ANGPTL8: variants seen among roughly 807,000 people sequenced by gnomAD.
ANGPTL8 encodes the protein angiopoietin-like protein 8.
Under a neutral mutation model 22.6 loss-of-function variants are expected in ANGPTL8, and 24 were observed. The ratio of observed to expected loss-of-function variants is 1.06; its 90% CI spans 0.77 to 1.49. The LOEUF (loss-of-function observed/expected upper bound fraction) is 1.49, where lower values mean the gene tolerates loss of function less well. Ranked by LOEUF, ANGPTL8 falls within the 40% of genes most tolerant of loss-of-function variation. The pLI, the probability that ANGPTL8 is intolerant of heterozygous loss-of-function variation, is 0.00. For missense variants in ANGPTL8, 230 were observed against 259.6 expected, an observed-to-expected ratio of 0.89 and a Z score of 0.78; for synonymous variants, 88 against 113.4, an observed-to-expected ratio of 0.78 and a Z score of 1.42.
chr19:11,240,086 A>ACAAAGATGAGTTGGACATC, intron 1 of ANGPTL8, 49 bp from the exon 2 acceptor site: 3 of 1,550,748 alleles, frequency 1.9e-6, no homozygotes, highest in Non-Finnish European at 2.6e-6. Context: ...CCTTAGGTAC[A>ACAAAGATGAGTTGGACATC]CAAAGATGAG....
chr19:11,241,539 G>A lies in ANGPTL8; in HGVS notation c.554G>A (p.Arg185Gln), dbSNP rs759926768. 31 of 1,553,066 alleles carry A rather than the reference G, an allele frequency of 2.0e-5. No individual in the cohort carries two copies. The highest frequency in any genetic ancestry group is 7.3e-5 in the East Asian group (3 of 41,000). The change falls in exon 3 of 4, where the codon CGA becomes CAA. Residue 185 changes from arginine to glutamine, a missense_variant. Coordinates refer to ENST00000252453, the MANE Select transcript of ANGPTL8 (RefSeq NM_018687.7). ...REMVAQQHRLRQIQERLHTAA... is the reference protein window; with the variant it reads ...REMVAQQHRLQQIQERLHTAA... ...ATGGTGGCACAGCAGCATCGGCTGC[G>A]ACAGATCCAGGAGAGGTGAGCCTGG...
At position 11,239,620 on chromosome 19, in the gene ANGPTL8, T is replaced by C. The variant is rs2147839962; in HGVS notation, c.-18T>C. ...GGCTTCAGTGACAGTGCTGTGGCTATACCTTAGACCCTCAGTCATGCCAGT... is the reference window on the plus strand; with the variant it reads ...GGCTTCAGTGACAGTGCTGTGGCTACACCTTAGACCCTCAGTCATGCCAGT... On this transcript the variant is annotated 5_prime_UTR_variant, in exon 1 of 4. Transcript: ENST00000252453. The C allele has an allele frequency of 6.2e-7, 1 of 1,613,186 alleles. No homozygotes were observed. Among genetic ancestry groups the C allele is most frequent in the Non-Finnish European group, 8.5e-7 (1 of 1,179,736 alleles).
chr19:11,240,050 A>C (rs904782865), intron 1 of ANGPTL8, 85 bp from the exon 2 acceptor site: 2 of 1,548,140 alleles, frequency 1.3e-6, no homozygotes, highest in Admixed American at 4.0e-5. Flanking sequence ...GGGATACAAG[A>C]TTTTCAGCGA....
Position 11,240,222 on chromosome 19 carries a change from A to G in ANGPTL8, c.385A>G (p.Ser129Gly), listed in dbSNP as rs371470325. ...VAQAQKVLRD[S>G]VQRLEVQLRS... The stretch of plus-strand genomic sequence containing the variant: ...CCAGGCACAGAAGGTGCTACGGGAC[A>G]GCGTGCAGCGGCTAGAAGTCCAGCT... Residue 129 changes from serine (S) to glycine (G), a missense_variant, in exon 2 of 4, where the codon AGC becomes GGC. Coordinates refer to ENST00000252453, the MANE Select transcript of ANGPTL8 (RefSeq NM_018687.7). 1.3e-6 allele frequency: 2 copies of G among 1,571,328 alleles called. No individual in the cohort carries two copies. The highest frequency in any genetic ancestry group is 1.7e-6 in the Non-Finnish European group (2 of 1,158,450).
chr19:11,240,096 G>C, intron 1 of ANGPTL8, 39 bp from the exon 2 acceptor site: 1 of 1,551,216 alleles, frequency 6.4e-7, no homozygotes, highest in Non-Finnish European at 8.7e-7. Context: ...ACAAAGATGA[G>C]TTGGACATCC....
chr19:11,241,034 C>G (rs2079935290), intron 2 of ANGPTL8, among the ~76,000 whole-genome samples: 1 of 151,748 alleles, frequency 6.6e-6, no homozygotes, highest in African/African-American at 2.4e-5. Context: ...CACTTAAGGT[C>G]AGGAGTTCGA....
intron 1 of ANGPTL8, 97 bp downstream of exon 1, chr19:11,240,031 G>A: frequency 6.5e-7 from 1 of 1,545,730 alleles, no homozygotes; most frequent in Non-Finnish European, 8.8e-7. Flanking sequence ...CAGGACTGAA[G>A]GGATTCCTGG....
chr19:11,241,434 G>T lies in ANGPTL8; in HGVS notation c.460-11G>T. 3 of 1,537,650 alleles carry T rather than the reference G, an allele frequency of 2.0e-6. No homozygotes were observed. The South Asian group carries it at 3.6e-5, about 18-fold the overall frequency. On this transcript the variant is annotated splice_polypyrimidine_tract_variant and intron_variant, in intron 2 of 3. Transcript: ENST00000252453. ...GGCTGTCGGCTGAGGTTTCCATTCT[G>T]ACCCCCACAGGCTCACGCTGACAAG...
Position 11,239,918 on chromosome 19 carries a change from G to T in ANGPTL8, c.281G>T (p.Ser94Ile), listed in dbSNP as rs904159174. ...GATGCAGCCCAGGAACTTCGGGCAA[G>T]CCTGTTGGAGACTCAGGTGGGCACC... Reference protein sequence around the residue: ...GRDAAQELRASLLETQMEEDI... With the variant: ...GRDAAQELRAILLETQMEEDI... The change falls in exon 1 of 4, where the codon AGC (serine) becomes ATC (isoleucine). Residue 94 changes from serine (S) to isoleucine (I), a missense_variant. Transcript: ENST00000252453. 2 of 1,585,934 alleles carry T rather than the reference G, an allele frequency of 1.3e-6. No homozygotes were observed. Among genetic ancestry groups the T allele is most frequent in the Non-Finnish European group, 8.6e-7 (1 of 1,166,320 alleles).
chr19:11,240,012 T>C, intron 1 of ANGPTL8, 78 bp downstream of exon 1: 1 of 1,549,072 alleles, frequency 6.5e-7, no homozygotes, highest in Admixed American at 2.0e-5. Context: ...CCAACCATCC[T>C]GGTTTGCCCA....
At position 11,239,701 on chromosome 19, in the gene ANGPTL8, GCCC is replaced by G. The variant is rs770398169; in HGVS notation, c.67_69del (p.Pro23del). 23 of 1,613,616 alleles carry G rather than the reference GCCC, an allele frequency of 1.4e-5. No individual in the cohort carries two copies. The East Asian group carries it at 5.1e-4, about 36-fold the overall frequency. ...AATGGTGACCCGGCCTGCCTCAGCGGCCCCCATGGGCGGCCCAGAACTGGCACA... is the reference window on the plus strand; with the variant it reads ...AATGGTGACCCGGCCTGCCTCAGCGGCCATGGGCGGCCCAGAACTGGCACA... On this transcript the variant is annotated inframe_deletion, in exon 1 of 4. Transcript: ENST00000252453.
chr19:11,240,591 T>C (rs1464707253), intron 2 of ANGPTL8, among the ~76,000 whole-genome samples: 1 of 151,626 alleles, frequency 6.6e-6, no homozygotes, highest in Non-Finnish European at 1.5e-5. Context: ...TCTTTTTTTT[T>C]TTTTTTTTGA....
At position 11,240,122 on chromosome 19, in the gene ANGPTL8, G is replaced by A. The variant is rs2079918554; in HGVS notation, c.298-13G>A. 1 of 1,551,480 alleles carries A rather than the reference G, an allele frequency of 6.4e-7. No individual in the cohort carries two copies. Among genetic ancestry groups the A allele is most frequent in the South Asian group, 1.2e-5 (1 of 84,060 alleles). On this transcript the variant is annotated splice_polypyrimidine_tract_variant and intron_variant, in intron 1 of 3. Coordinates refer to ENST00000252453, the MANE Select transcript of ANGPTL8 (RefSeq NM_018687.7). The stretch of plus-strand genomic sequence containing the variant: ...TTGGACATCCTACTAGTGACCCACT[G>A]TTTATTAAGCAGATGGAGGAGGATA...
intron 2 of ANGPTL8, 25 bp from the exon 3 acceptor site, chr19:11,241,420 G>A (rs949739534): frequency 2.4e-5 from 36 of 1,490,076 alleles, no homozygotes; most frequent in Non-Finnish European, 3.1e-5. Context: ...GCTGTCGGCT[G>A]AGGTTTCCAT....
intron 3 of ANGPTL8, 36 bp downstream of exon 3, chr19:11,241,590 G>A (rs764289104): frequency 1.9e-6 from 3 of 1,555,960 alleles, no homozygotes; most frequent in Non-Finnish European, 2.6e-6. Flanking sequence ...CAGGGCAGTT[G>A]GATGGGGGGC....
chr19:11,241,826 G>A lies in ANGPTL8; in HGVS notation c.*139G>A, dbSNP rs1462266521. On this transcript the variant is annotated 3_prime_UTR_variant, in exon 4 of 4. Coordinates refer to ENST00000252453, the MANE Select transcript of ANGPTL8 (RefSeq NM_018687.7). ...GCCCCACTTCTGAGCACAGAGCAGAGACAGACGCAGGCGGGGACAAAGGCA... is the reference window on the plus strand; with the variant it reads ...GCCCCACTTCTGAGCACAGAGCAGAAACAGACGCAGGCGGGGACAAAGGCA... 8 of 1,422,114 alleles carry A rather than the reference G, an allele frequency of 5.6e-6. No homozygotes were observed. The highest frequency in any genetic ancestry group is 7.7e-6 in the Non-Finnish European group (8 of 1,035,984). 88.1% of individuals were successfully genotyped at this position (1,422,114 alleles called of 1,614,324 possible). A position where few individuals can be genotyped will look rare whatever the true frequency, so the allele number is the denominator to read the frequency against.
chr19:11,240,146 T>A lies in ANGPTL8; in HGVS notation c.309T>A (p.Asp103Glu). Reference sequence around the variant, plus strand: ...TGTTTATTAAGCAGATGGAGGAGGATATTCTGCAGCTGCAGGCAGAGGCCA... The same window carrying A: ...TGTTTATTAAGCAGATGGAGGAGGAAATTCTGCAGCTGCAGGCAGAGGCCA... ...ASLLETQMEE[D>E]ILQLQAEATA... The change falls in exon 2 of 4, where the codon GAT (aspartate) becomes GAA (glutamate). Residue 103 changes from aspartate (D) to glutamate (E), a missense_variant. Coordinates refer to ENST00000252453, the MANE Select transcript of ANGPTL8 (RefSeq NM_018687.7). 1 of 1,551,750 alleles carries A rather than the reference T, an allele frequency of 6.4e-7. No individual in the cohort carries two copies. Among genetic ancestry groups the A allele is most frequent in the Non-Finnish European group, 8.7e-7 (1 of 1,147,060 alleles).
rs2079923977 is a variant in ANGPTL8, at chr19:11,240,359, C to T, written c.459+63C>T. The T allele has an allele frequency of 7.6e-6, 11 of 1,450,654 alleles. No homozygotes were observed. The South Asian group carries it at 1.4e-4, about 19-fold the overall frequency. 89.9% of individuals were successfully genotyped at this position (1,450,654 alleles called of 1,614,324 possible). A position where few individuals can be genotyped will look rare whatever the true frequency, so the allele number is the denominator to read the frequency against. On this transcript the variant is annotated intron_variant, in intron 2 of 3. Transcript: ENST00000252453. ...GATTTCCGGCCAGAACTCGCTTCTG[C>T]ACCTTGAGTCCCAAAGACCTCCCAG...
intron 2 of ANGPTL8, 54 bp downstream of exon 2, chr19:11,240,350 T>G (rs890695330): frequency 2.0e-6 from 3 of 1,475,206 alleles, no homozygotes; most frequent in Non-Finnish European, 2.7e-6. Context: ...CGGCCAGAAC[T>G]CGCTTCTGCA....
Sources: gnomAD v4.1 joint callset for allele counts (sites outside exome capture counted in the v4.1 genomes callset) on GRCh38, gnomAD v4.1.1 for gene constraint, MANE v1.5 for transcripts, NCBI Gene and HGNC (gene_info 2026-07-23, HGNC 2026-07-21) for gene names.